Variants in RUNX3 observed in about 807,000 individuals in gnomAD.
RUNX3 encodes runt-related transcription factor 3.
Under a neutral mutation model 27.7 loss-of-function variants are expected in RUNX3, and 10 were observed. That is an observed-to-expected ratio of 0.36 (90% CI 0.22 to 0.61). RUNX3 has a LOEUF of 0.61. Ranked by LOEUF, RUNX3 falls within the 20% of genes least tolerant of loss-of-function variation. RUNX3 has a pLI of 0.72. For synonymous variants in RUNX3, 270 were observed against 269.2 expected (o/e 1.00, Z -0.03); for missense variants, 469 against 629.5 (o/e 0.75, Z 2.73).
intron 2 of RUNX3, among the ~76,000 whole-genome samples, chr1:24,954,908 C>G (rs960326627): frequency 6.6e-6 from 1 of 152,182 alleles, no homozygotes; most frequent in Non-Finnish European, 1.5e-5. Context: ...ATGCTTTGCC[C>G]CACATCACGG....
Position 24,927,540 on chromosome 1 carries a change from A to G in RUNX3, c.439+34T>C, listed in dbSNP as rs1290107119. The G allele has an allele frequency of 2.5e-6, 4 of 1,610,854 alleles. No homozygotes were observed. In the South Asian group the frequency reaches 4.4e-5, roughly 18 times the overall value. The stretch of plus-strand genomic sequence containing the variant: ...CTTCCCTGCTGCCCCTGCCATTGCC[A>G]ATGCTGAAATGGCGAGGCCTCCCTT... On this transcript the variant is annotated intron_variant, in intron 2 of 4. Coordinates refer to ENST00000308873, the MANE Select transcript of RUNX3 (RefSeq NM_004350.3). This position sits in a 1 kb window ranked among gnomAD's most constrained non-coding sequence, Gnocchi z 5.0.
chr1:24,929,940 C>T lies in RUNX3; in HGVS notation c.-72G>A. On this transcript the variant is annotated 5_prime_UTR_variant, in exon 1 of 5. Transcript: ENST00000308873. The stretch of plus-strand genomic sequence containing the variant: ...CCCCGGGGGCGGCCGGCGCGGGCGC[C>T]TCCTCGGCCGCCGCTGCCGCGAGAA... 2 of 1,218,696 alleles carry T rather than the reference C, an allele frequency of 1.6e-6. No homozygotes were observed. Among genetic ancestry groups the T allele is most frequent in the Non-Finnish European group, 2.0e-6 (2 of 981,030 alleles). The allele number at this position is 1,218,696 out of a possible 1,614,324, so 75.5% of individuals were successfully genotyped here. A position where few individuals can be genotyped will look rare whatever the true frequency, so the allele number is the denominator to read the frequency against.
intron 1 of RUNX3, 24 bp downstream of exon 1, chr1:24,929,563 T>G: frequency 1.9e-6 from 3 of 1,586,532 alleles, no homozygotes; most frequent in Non-Finnish European, 2.6e-6. Flanking sequence ...GCCGGCGCCC[T>G]CCCGCCCCGG....
upstream of RUNX3, among the ~76,000 whole-genome samples, chr1:24,932,545 G>A (rs1641256253): frequency 6.6e-6 from 1 of 152,214 alleles, no homozygotes; most frequent in South Asian, 2.1e-4. Flanking sequence ...CATCCATGCG[G>A]CCAGGTCTCA....
In RUNX3 at chr1:24,930,219, G is replaced by A; in HGVS notation, c.-351C>T. ...CCGCCTCCCGCCCCGAAGCTCGCCC[G>A]CGGCCGCCCCGACTCCGCGGCCGCA... On this transcript the variant is annotated 5_prime_UTR_variant, in exon 1 of 5. Transcript: ENST00000308873. This position sits in a 1 kb window ranked among gnomAD's most constrained non-coding sequence, Gnocchi z 4.1. The A allele has an allele frequency of 1.0e-6, 1 of 982,078 alleles. No individual in the cohort carries two copies. The highest frequency in any genetic ancestry group is 1.2e-6 in the Non-Finnish European group (1 of 828,588). The allele number at this position is 982,078 out of a possible 1,614,324, so 60.8% of individuals were successfully genotyped here. A position where few individuals can be genotyped will look rare whatever the true frequency, so the allele number is the denominator to read the frequency against.
chr1:24,920,908 G>A (rs1640986342), intron 2 of RUNX3, among the ~76,000 whole-genome samples: 2 of 152,112 alleles, frequency 1.3e-5, no homozygotes, highest in Admixed American at 6.5e-5. Context: ...TCTCTATTAC[G>A]ATCCACAGCC....
chr1:24,924,184 C>T (rs774424768), intron 2 of RUNX3, among the ~76,000 whole-genome samples: 1 of 152,160 alleles, frequency 6.6e-6, no homozygotes, highest in Non-Finnish European at 1.5e-5. Flanking sequence ...CTGAGCAACA[C>T]AGTGAACAAC....
chr1:24,929,140 G>A, intron 1 of RUNX3: 1 of 463,812 alleles, frequency 2.2e-6, no homozygotes, highest in Non-Finnish European at 4.3e-6. Flanking sequence ...GAGGGTGTGA[G>A]CAGGAAGCTT....
intron 2 of RUNX3, among the ~76,000 whole-genome samples, chr1:24,936,885 A>T (rs958072305): frequency 1.8e-4 from 27 of 152,246 alleles, no homozygotes; most frequent in Non-Finnish European, 3.4e-4. Flanking sequence ...TGGTGAAAGA[A>T]CGCCTCAGAC....
rs769422471 is a variant in RUNX3 at position 24,902,530 on chromosome 1, G to A, written c.840C>T (p.Tyr280=). Reference sequence around the variant, plus strand: ...TGCTCGTGCCCGAGGGCGTGGCGCTGTAGGGGAAGGCAGCTGACATGGCCC... The same window carrying A: ...TGCTCGTGCCCGAGGGCGTGGCGCTATAGGGGAAGGCAGCTGACATGGCCC... ...YPGAMSAAFP[Y]SATPSGTSIS... Residue 280 remains tyrosine, a synonymous_variant, in exon 5 of 5, where the codon TAC becomes TAT. Transcript: ENST00000308873. The surrounding 1 kb of genome is among the most constrained non-coding windows in gnomAD (Gnocchi z 9.2). The A allele has an allele frequency of 6.3e-7, 1 of 1,594,234 alleles. No homozygotes were observed. The highest frequency in any genetic ancestry group is 8.6e-7 in the Non-Finnish European group (1 of 1,165,472).
At chr1:24,932,768 A>T (rs1391659908), upstream of RUNX3, among the ~76,000 whole-genome samples, 1 of 152,136 alleles carries the variant, frequency 6.6e-6, no homozygotes, top group Admixed American at 6.5e-5. Context: ...CACCTGGGGC[A>T]TGCAGACACC....
chr1:24,931,593 A>G (rs567009742), upstream of RUNX3, among the ~76,000 whole-genome samples: 3 of 152,256 alleles, frequency 2.0e-5, no homozygotes, highest in Non-Finnish European at 2.9e-5. Flanking sequence ...CCGGCTCTCG[A>G]CAGGTGCAAA....
chr1:24,901,028 G>GTTT lies in RUNX3; in HGVS notation c.*1091_*1093dup, dbSNP rs1203121493. ...TTAAAAACTGTTTTGTTTTTTTTTTGTTTTTTTGTTTTTTTTTTTTTTTTG... is the reference window on the plus strand; with the variant it reads ...TTAAAAACTGTTTTGTTTTTTTTTTGTTTTTTTTTTGTTTTTTTTTTTTTTTTG... On this transcript the variant is annotated 3_prime_UTR_variant, in exon 5 of 5. Coordinates refer to ENST00000308873, the MANE Select transcript of RUNX3 (RefSeq NM_004350.3). 4 of 123,570 alleles carry GTTT rather than the reference G, an allele frequency of 3.2e-5. No individual in the cohort carries two copies. Among genetic ancestry groups the GTTT allele is most frequent in the African/African-American group, 3.5e-5 (1 of 28,878 alleles). 7.7% of individuals were successfully genotyped at this position (123,570 alleles called of 1,614,324 possible).
At chr1:24,938,475 C>T (rs552135579) in intron 2 of RUNX3, among the ~76,000 whole-genome samples, 7 of 152,260 alleles carry the variant, frequency 4.6e-5, no homozygotes, top group Admixed American at 2.0e-4. Context: ...CACAAACTTT[C>T]GGAGGATCTG....
At chr1:24,939,382 G>A (rs1162556339) in intron 2 of RUNX3, among the ~76,000 whole-genome samples, 2 of 152,264 alleles carry the variant, frequency 1.3e-5, no homozygotes, top group African/African-American at 4.8e-5. Flanking sequence ...TGTGTGCAAA[G>A]ATGCTCCTAG....
In RUNX3 at chr1:24,899,873, C is replaced by G. The variant is rs1421715925; in HGVS notation, c.*2249G>C. On this transcript the variant is annotated 3_prime_UTR_variant, in exon 5 of 5. Coordinates refer to ENST00000308873, the MANE Select transcript of RUNX3 (RefSeq NM_004350.3). ...TTAACGCAGCCTTGTAAATAAGGAC[C>G]TACTTTTACCAGCCCAGGCTGTCTG... is the stretch of plus-strand genomic sequence containing the variant. The G allele has an allele frequency of 6.6e-6, 1 of 152,362 alleles. No individual in the cohort carries two copies. Among genetic ancestry groups the G allele is most frequent in the African/African-American group, 2.4e-5 (1 of 41,442 alleles). The allele number at this position is 152,362 out of a possible 1,614,324, so 9.4% of individuals were successfully genotyped here. A position where few individuals can be genotyped will look rare whatever the true frequency, so the allele number is the denominator to read the frequency against.
At chr1:24,952,390 A>T (rs1449784475) in intron 2 of RUNX3, among the ~76,000 whole-genome samples, 4 of 152,260 alleles carry the variant, frequency 2.6e-5, no homozygotes. Flanking sequence ...TCCATGGCCC[A>T]ACAAGGTAGC....
At position 24,927,116 on chromosome 1, in the gene RUNX3, G is replaced by A. The variant is rs1471808379; in HGVS notation, c.439+458C>T. ...GGGAAACTGGGTCTGGGAGACCACAGCTGGAGAGACAGCCTCAGAGTGTGG... is the reference window on the plus strand; with the variant it reads ...GGGAAACTGGGTCTGGGAGACCACAACTGGAGAGACAGCCTCAGAGTGTGG... On this transcript the variant is annotated intron_variant, in intron 2 of 4. Transcript: ENST00000308873. The surrounding 1 kb of genome is among the most constrained non-coding windows in gnomAD (Gnocchi z 5.0). Among the ~76,000 whole-genome samples, 2 of 152,234 alleles carry A rather than the reference G, an allele frequency of 1.3e-5. No homozygotes were observed. The highest frequency in any genetic ancestry group is 4.8e-5 in the African/African-American group (2 of 41,454).
chr1:24,921,369 G>A (rs1035700985), intron 2 of RUNX3, among the ~76,000 whole-genome samples: 5 of 152,152 alleles, frequency 3.3e-5, no homozygotes, highest in African/African-American at 4.8e-5. Context: ...AGACACCAGG[G>A]GGAATTTAAA....
Sources: gnomAD v4.1 joint callset for allele counts (sites outside exome capture counted in the v4.1 genomes callset) on GRCh38, gnomAD v4.1.1 for gene constraint, Gnocchi (gnomAD v3.1) non-coding constraint, MANE v1.5 for transcripts, NCBI Gene and HGNC (gene_info 2026-07-23, HGNC 2026-07-21) for gene names.